The following CIMIP6 variants were observed in gnomAD, a reference collection of about 807,000 sequenced individuals.
CIMIP6 encodes uncharacterized protein C2orf73.
At chr2:54,374,170 C>G in the CIMIP6 span, among the ~76,000 whole-genome samples, 17 of 152,334 alleles carry the variant, frequency 1.1e-4, no homozygotes, top group East Asian at 2.1e-3. Flanking sequence ...CTCTTCTACT[C>G]CATACTCTCC....
the CIMIP6 span, among the ~76,000 whole-genome samples, chr2:54,380,812 G>A: frequency 6.6e-6 from 1 of 152,160 alleles, no homozygotes; most frequent in Non-Finnish European, 1.5e-5. Flanking sequence ...GTACAGACAC[G>A]TGCTACCATG....
the CIMIP6 span, among the ~76,000 whole-genome samples, chr2:54,362,738 G>C: frequency 3.8e-3 from 574 of 152,202 alleles, 3 homozygotes; most frequent in African/African-American, 0.013. Context: ...GTATAGGCAG[G>C]GTTTTGCCAT....
chr2:54,350,417 G>A, the CIMIP6 span, among the ~76,000 whole-genome samples: 1 of 152,182 alleles, frequency 6.6e-6, no homozygotes, highest in Non-Finnish European at 1.5e-5. Flanking sequence ...TTGGCAGATG[G>A]ACTGAGGACG....
At chr2:54,383,711 A>G in the CIMIP6 span, 1 of 151,786 alleles carries the variant, frequency 6.6e-6, no homozygotes, top group East Asian at 1.9e-4. Context: ...TTAAAAAAAA[A>G]AAAACTACAT....
the CIMIP6 span, among the ~76,000 whole-genome samples, chr2:54,374,405 G>A: frequency 1.3e-5 from 2 of 152,158 alleles, no homozygotes; most frequent in African/African-American, 4.8e-5. Flanking sequence ...TATAAAACTT[G>A]TTTGGACTTT....
chr2:54,382,001 T>A, the CIMIP6 span: 1 of 1,525,270 alleles, frequency 6.6e-7, no homozygotes, highest in Non-Finnish European at 8.8e-7. Flanking sequence ...TATTAGCAGT[T>A]TCATTTTTAT....
the CIMIP6 span, among the ~76,000 whole-genome samples, chr2:54,342,614 T>G: frequency 6.8e-6 from 1 of 147,800 alleles, no homozygotes; most frequent in African/African-American, 2.5e-5. Context: ...CCACATAGGT[T>G]TTTTTTTTTT....
the CIMIP6 span, chr2:54,331,026 A>T: frequency 6.2e-7 from 1 of 1,613,184 alleles, no homozygotes; most frequent in African/African-American, 1.3e-5. Flanking sequence ...TTGGTGTCTT[A>T]TTTCCCTTTC....
At chr2:54,339,704 GT>G in the CIMIP6 span, among the ~76,000 whole-genome samples, 1 of 74,420 alleles carries the variant, frequency 1.3e-5, no homozygotes, top group South Asian at 3.1e-4. Context: ...TTATGTTTAG[GT>G]TTTGTCAAAA....
the CIMIP6 span, among the ~76,000 whole-genome samples, chr2:54,362,314 G>C: frequency 6.6e-6 from 1 of 152,142 alleles, no homozygotes; most frequent in Admixed American, 6.5e-5. Context: ...TATAATTTCA[G>C]AACTGGAGAT....
the CIMIP6 span, among the ~76,000 whole-genome samples, chr2:54,331,426 C>T: frequency 7.2e-5 from 11 of 152,114 alleles, no homozygotes; most frequent in East Asian, 3.8e-4. Context: ...GCAGCCTCCT[C>T]GACACAGCAG....
At chr2:54,379,892 G>C in the CIMIP6 span, among the ~76,000 whole-genome samples, 1 of 151,636 alleles carries the variant, frequency 6.6e-6, no homozygotes, top group Admixed American at 6.6e-5. Context: ...CAAGAGACTC[G>C]CTTGAACCCA....
the CIMIP6 span, among the ~76,000 whole-genome samples, chr2:54,367,738 G>A: frequency 0.78 from 117,930 of 152,026 alleles, 45,879 homozygotes; most frequent in Non-Finnish European, 0.8. Context: ...AAATATATCA[G>A]GATGCTCTAT....
At chr2:54,359,397 A>T in the CIMIP6 span, among the ~76,000 whole-genome samples, 1 of 152,084 alleles carries the variant, frequency 6.6e-6, no homozygotes, top group African/African-American at 2.4e-5. Context: ...TCAATCAATC[A>T]ATCCAAACAT....
At chr2:54,343,763 T>C in the CIMIP6 span, 5 of 1,611,752 alleles carry the variant, frequency 3.1e-6, no homozygotes, top group East Asian at 2.2e-5. Context: ...CCTGTCTTCC[T>C]ACCACCTTAC....
chr2:54,350,970 T>C, the CIMIP6 span, among the ~76,000 whole-genome samples: 115,858 of 152,150 alleles, frequency 0.76, 44,294 homozygotes, highest in Non-Finnish European at 0.8. Context: ...GTATAAGATT[T>C]TTAATTTCAA....
chr2:54,343,896 A>G, the CIMIP6 span: 1 of 1,527,906 alleles, frequency 6.5e-7, no homozygotes, highest in Non-Finnish European at 8.8e-7. Flanking sequence ...AGTGGTAAAA[A>G]CCTTTTATGT....
chr2:54,333,432 G>C, the CIMIP6 span, among the ~76,000 whole-genome samples: 9 of 152,198 alleles, frequency 5.9e-5, no homozygotes, highest in Non-Finnish European at 1.5e-5. Context: ...TGAGGGAAAA[G>C]AGATTGATGT....
chr2:54,359,070 G>A, the CIMIP6 span: 2 of 1,443,452 alleles, frequency 1.4e-6, no homozygotes, highest in Admixed American at 2.1e-5. Flanking sequence ...CCTCTCCAGG[G>A]AAAGGTGAGG....
Sources: allele counts gnomAD v4.1 joint callset (sites outside exome capture counted in the v4.1 genomes callset), GRCh38; gene constraint gnomAD v4.1.1; transcripts MANE v1.5; gene names NCBI Gene and HGNC (gene_info 2026-07-23, HGNC 2026-07-21).